PCDHGA11: variants seen among roughly 807,000 people sequenced by gnomAD.
The protein encoded by PCDHGA11 is protocadherin gamma subfamily A, 11, also known as protocadherin gamma-A11.
PCDHGA11 carries 39 observed loss-of-function variants against 60.4 expected under a neutral mutation model. The ratio of observed to expected loss-of-function variants is 0.65; its 90% CI spans 0.50 to 0.84. The LOEUF (loss-of-function observed/expected upper bound fraction) is 0.84, where lower values mean the gene tolerates loss of function less well. Among genes scored for constraint, PCDHGA11 ranks in the 40% least tolerant of loss-of-function variants. The pLI, the probability that PCDHGA11 is intolerant of heterozygous loss-of-function variation, is 0.00. For synonymous variants in PCDHGA11, 533 were observed against 510.3 expected, an observed-to-expected ratio of 1.04 and a Z score of -0.60; for missense variants, 1,165 against 1,197.7, an observed-to-expected ratio of 0.97 and a Z score of 0.40.
rs1032445242 is a variant in PCDHGA11 at position 141,487,571 on chromosome 5, G to C, written c.2434-7236G>C. The C allele has an allele frequency of 6.2e-7, 1 of 1,614,060 alleles. No homozygotes were observed. The highest frequency in any genetic ancestry group is 8.5e-7 in the Non-Finnish European group (1 of 1,180,046). ...CAGTGCACCTATGGCAGGGGAGCCTGTTCGCCCAAGCTGCCCACCCTCTGA... is the reference window on the plus strand; with the variant it reads ...CAGTGCACCTATGGCAGGGGAGCCTCTTCGCCCAAGCTGCCCACCCTCTGA... On this transcript the variant is annotated intron_variant, in intron 1 of 3. Transcript: ENST00000398587. This position sits in a 1 kb window ranked among gnomAD's most constrained non-coding sequence, Gnocchi z 5.0.
intron 1 of PCDHGA11, among the ~76,000 whole-genome samples, chr5:141,455,407 A>T (rs1273781307): frequency 1.3e-5 from 2 of 152,174 alleles, no homozygotes; most frequent in Non-Finnish European, 2.9e-5. Context: ...TTACAGAGAC[A>T]GAGGGAGCGG....
chr5:141,448,122 C>A (rs1315243727), intron 1 of PCDHGA11, among the ~76,000 whole-genome samples: 1 of 151,820 alleles, frequency 6.6e-6, no homozygotes, highest in Non-Finnish European at 1.5e-5. Context: ...AAATTAGCCT[C>A]CCCCACCCTC....
In PCDHGA11 at chr5:141,511,216, C is replaced by A. The variant is rs374915167; in HGVS notation, c.*43C>A. On this transcript the variant is annotated 3_prime_UTR_variant, in exon 4 of 4. Coordinates refer to ENST00000398587, the MANE Select transcript of PCDHGA11 (RefSeq NM_018914.3). Reference sequence around the variant, plus strand: ...GAGCCACAGGGCGGCCTCTCCCCAACCAGCCCAGCTTCTCCTTACCTGCAC... The same window carrying A: ...GAGCCACAGGGCGGCCTCTCCCCAAACAGCCCAGCTTCTCCTTACCTGCAC... The A allele has an allele frequency of 6.2e-7, 1 of 1,608,004 alleles. No homozygotes were observed. The highest frequency in any genetic ancestry group is 1.3e-5 in the African/African-American group (1 of 74,736).
intron 1 of PCDHGA11, chr5:141,492,013 T>G: frequency 1.6e-6 from 1 of 610,970 alleles, no homozygotes; most frequent in Non-Finnish European, 2.7e-6. Context: ...TCCGCGGGTG[T>G]CGGGGGTCCC....
At chr5:141,474,758 C>T (rs2099354200) in intron 1 of PCDHGA11, among the ~76,000 whole-genome samples, 1 of 152,210 alleles carries the variant, frequency 6.6e-6, no homozygotes, top group Non-Finnish European at 1.5e-5. Flanking sequence ...GACAAATATA[C>T]AGAAATAGTA....
chr5:141,478,801 T>G (rs2099477985), intron 1 of PCDHGA11: 1 of 1,463,438 alleles, frequency 6.8e-7, no homozygotes, highest in African/African-American at 1.4e-5. Flanking sequence ...TCAGCACTCT[T>G]TTGCTATCAC....
At chr5:141,471,185 A>G (rs58340688) in intron 1 of PCDHGA11, 16,257 of 151,174 alleles carry the variant, frequency 0.11, 890 homozygotes, top group South Asian at 0.15. Context: ...TAGTAGCTGG[A>G]ATTACAGGCA....
intron 1 of PCDHGA11, among the ~76,000 whole-genome samples, chr5:141,466,613 C>T (rs772278295): frequency 1.2e-4 from 19 of 152,144 alleles, no homozygotes; most frequent in Non-Finnish European, 2.4e-4. Context: ...TGTAAACTGC[C>T]GTTTTCTTTG....
intron 1 of PCDHGA11, among the ~76,000 whole-genome samples, chr5:141,450,682 T>C (rs112841569): frequency 0.042 from 6,384 of 151,996 alleles, 168 homozygotes; most frequent in Middle Eastern, 0.086. Context: ...AAACGGGGTT[T>C]TGCCATGTTG....
In PCDHGA11 at chr5:141,485,470, T is replaced by C; in HGVS notation, c.2434-9337T>C. ...ACCGAGAGGCACTGTGTGGGCTCAG[T>C]GCCAGCTGCATCGTGCCCCTGGAGT... On this transcript the variant is annotated intron_variant, in intron 1 of 3. Coordinates refer to ENST00000398587, the MANE Select transcript of PCDHGA11 (RefSeq NM_018914.3). This position sits in a 1 kb window ranked among gnomAD's most constrained non-coding sequence, Gnocchi z 5.7. 1.9e-6 allele frequency: 3 copies of C among 1,614,110 alleles called. No individual in the cohort carries two copies. The highest frequency in any genetic ancestry group is 2.5e-6 in the Non-Finnish European group (3 of 1,180,002).
At chr5:141,427,515 G>A (rs753526003) in intron 1 of PCDHGA11, 16 of 596,944 alleles carry the variant, frequency 2.7e-5, no homozygotes, top group African/African-American at 2.2e-4. Context: ...CCTGGATTGG[G>A]AGCGGATCCC....
In PCDHGA11 at chr5:141,421,851, T is replaced by A. The variant is rs771169063; in HGVS notation, c.624T>A (p.Ala208=). 16 of 1,613,596 alleles carry A rather than the reference T, an allele frequency of 9.9e-6. No homozygotes were observed. The Middle Eastern group carries it at 4.9e-4, about 50-fold the overall frequency. The change falls in exon 1 of 4, where the codon GCT becomes GCA. Residue 208 remains alanine (A), a synonymous_variant. Coordinates refer to ENST00000398587, the MANE Select transcript of PCDHGA11 (RefSeq NM_018914.3). ...EGSLDREKEA[A]HLLLLTALDG... ...GCCTGGACCGAGAGAAAGAGGCTGC[T>A]CACCTGCTCCTCCTCACAGCTTTAG...
At chr5:141,464,676 T>A (rs1337677151) in intron 1 of PCDHGA11, among the ~76,000 whole-genome samples, 1 of 152,176 alleles carries the variant, frequency 6.6e-6, no homozygotes. Flanking sequence ...ATAATTTTAA[T>A]TAAAATTTCT....
chr5:141,430,534 C>CT (rs962032641), intron 1 of PCDHGA11: 2 of 381,726 alleles, frequency 5.2e-6, no homozygotes, highest in Non-Finnish European at 9.2e-6. Context: ...GGTTAGGACT[C>CT]TGAGCGCCGC....
chr5:141,421,239 G>A lies in PCDHGA11; in HGVS notation c.12G>A (p.Arg4=), dbSNP rs773410079. Residue 4 remains arginine, a synonymous_variant, in exon 1 of 4, where the codon CGG becomes CGA. Coordinates refer to ENST00000398587, the MANE Select transcript of PCDHGA11 (RefSeq NM_018914.3). MAN[R]LQRGDRSRLL... ...GCTTAGAGCCTGCCATGGCGAATCG[G>A]CTACAGCGCGGGGACCGCAGTCGGC... 6.3e-7 allele frequency: 1 copy of A among 1,599,000 alleles called. No homozygotes were observed. Among genetic ancestry groups the A allele is most frequent in the South Asian group, 1.1e-5 (1 of 89,114 alleles).
chr5:141,423,426 GGCAGGTA>G lies in PCDHGA11; in HGVS notation c.2200_2206del (p.Ala734CysfsTer7). 1.9e-6 allele frequency: 3 copies of G among 1,614,028 alleles called. No individual in the cohort carries two copies. The highest frequency in any genetic ancestry group is 2.5e-6 in the Non-Finnish European group (3 of 1,179,930). ...TGCTGCAGGCTTCTGAAGGCGGGTT[GGCAGGTA>G]TGCCCACGTCACATTTTGTAGGCGT... is the stretch of plus-strand genomic sequence containing the variant. On this transcript the variant is annotated frameshift_variant, in exon 1 of 4. Transcript: ENST00000398587. LOFTEE classifies it high-confidence loss of function.
rs61612330 is a variant in PCDHGA11, at chr5:141,454,796, A to ATTTTTTTTTTTTTTTTTT, written c.2433+31148_2433+31165dup. Reference sequence around the variant, plus strand: ...AAGGAAATAATCCTCCATGGTTCTAATTTTTTTTTTTTTTTTTTTTTTTTT... The same window carrying ATTTTTTTTTTTTTTTTTT: ...AAGGAAATAATCCTCCATGGTTCTAATTTTTTTTTTTTTTTTTTTTTTTTTTTTTTTTTTTTTTTTTTT... On this transcript the variant is annotated intron_variant, in intron 1 of 3. Coordinates refer to ENST00000398587, the MANE Select transcript of PCDHGA11 (RefSeq NM_018914.3). 9.0e-4 allele frequency among the ~76,000 whole-genome samples: 70 copies of ATTTTTTTTTTTTTTTTTT among 77,458 alleles called. 9 individuals carry two copies. Among genetic ancestry groups the ATTTTTTTTTTTTTTTTTT allele is most frequent in the Non-Finnish European group, 1.1e-3 (48 of 42,814 alleles). The allele number at this position is 77,458 out of a possible 152,430, so 50.8% of individuals were successfully genotyped here. A position where few individuals can be genotyped will look rare whatever the true frequency, so the allele number is the denominator to read the frequency against.
intron 1 of PCDHGA11, chr5:141,479,437 C>G (rs2099496053): frequency 6.6e-6 from 1 of 152,224 alleles, no homozygotes; most frequent in Admixed American, 6.5e-5. Flanking sequence ...AATCCACTGT[C>G]TGCACTAAGT....
Position 141,491,670 on chromosome 5 carries a change from C to T in PCDHGA11, c.2434-3137C>T. The T allele has an allele frequency of 2.5e-6, 4 of 1,613,768 alleles. No individual in the cohort carries two copies. Among genetic ancestry groups the T allele is most frequent in the South Asian group, 1.1e-5 (1 of 91,082 alleles). On this transcript the variant is annotated intron_variant, in intron 1 of 3. Coordinates refer to ENST00000398587, the MANE Select transcript of PCDHGA11 (RefSeq NM_018914.3). The surrounding 1 kb of genome is among the most constrained non-coding windows in gnomAD (Gnocchi z 6.9). ...CGCTGGAGCCTGACGCCATCCGGTC[C>T]CGCTCTAATACGCTGCGGGAGCGGA...
Sources: gnomAD v4.1 joint callset for allele counts (sites outside exome capture counted in the v4.1 genomes callset) on GRCh38, gnomAD v4.1.1 for gene constraint, Gnocchi (gnomAD v3.1) non-coding constraint, MANE v1.5 for transcripts, NCBI Gene and HGNC (gene_info 2026-07-23, HGNC 2026-07-21) for gene names.